The following RPS29 variants were observed in gnomAD, a reference collection of about 807,000 sequenced individuals.
The protein encoded by RPS29 is ribosomal protein S29, also known as small ribosomal subunit protein uS14.
For missense variants in RPS29, 60 were observed against 75.7 expected, an observed-to-expected ratio of 0.79 and a Z score of 0.77; for synonymous variants, 37 against 26.9, an observed-to-expected ratio of 1.37 and a Z score of -1.16.
chr14:49,575,680 T>G (rs1881161344), exon 3 of RPS29: 1 of 152,010 alleles, frequency 6.6e-6, no homozygotes, highest in African/African-American at 2.4e-5. Context: ...GACTTCCATC[T>G]CTACGAAAAA....
At chr14:49,581,714 G>C (rs142483534), downstream of RPS29, among the ~76,000 whole-genome samples, 1 of 151,968 alleles carries the variant, frequency 6.6e-6, no homozygotes, top group Non-Finnish European at 1.5e-5. Flanking sequence ...CTCCTGTATC[G>C]GTTCCTTCAA....
In RPS29 at chr14:49,577,434, G is replaced by A. The variant is rs1881214041; in HGVS notation, c.*378C>T. 1.9e-5 allele frequency: 7 copies of A among 369,696 alleles called. No individual in the cohort carries two copies. The Admixed American group carries it at 1.9e-4, about 10-fold the overall frequency. 22.9% of individuals were successfully genotyped at this position (369,696 alleles called of 1,614,324 possible). ...TGTGCAGGCTGGCATTGGCATTGGT[G>A]ACTCTGATGACCACCTGGGCTGCTC... On this transcript the variant is annotated 3_prime_UTR_variant, in exon 3 of 3. Transcript: ENST00000396020.
intron 2 of RPS29, chr14:49,577,926 T>A: frequency 9.6e-7 from 1 of 1,036,460 alleles, no homozygotes; most frequent in Non-Finnish European, 1.5e-6. Context: ...AAATTTGTAC[T>A]GCATGCCTGC....
At chr14:49,576,132 T>G (rs1325875089) in exon 3 of RPS29, 1 of 152,132 alleles carries the variant, frequency 6.6e-6, no homozygotes, top group Non-Finnish European at 1.5e-5. Context: ...CCTTTTTTTT[T>G]TTTTTAAGTG....
chr14:49,584,971 G>A (rs1395465197), intron 2 of RPS29, among the ~76,000 whole-genome samples: 1 of 151,970 alleles, frequency 6.6e-6, no homozygotes, highest in East Asian at 1.9e-4. Context: ...TGACTAAGAT[G>A]ATCAAGAGAT....
exon 3 of RPS29, chr14:49,576,742 C>T (rs796638263): frequency 3.3e-5 from 5 of 152,176 alleles, no homozygotes; most frequent in African/African-American, 1.2e-4. Context: ...GAGCGGTTTC[C>T]CCCATACTTT....
At chr14:49,591,457 G>A (rs1054205780) in intron 1 of RPS29, among the ~76,000 whole-genome samples, 1 of 151,008 alleles carries the variant, frequency 6.6e-6, no homozygotes, top group East Asian at 1.9e-4. Flanking sequence ...GATTACAGGC[G>A]CATGTCACCA....
downstream of RPS29, among the ~76,000 whole-genome samples, chr14:49,582,020 A>C (rs1242135588): frequency 1.3e-5 from 2 of 151,446 alleles, no homozygotes; most frequent in Non-Finnish European, 1.5e-5. Context: ...CCCAAAAAAA[A>C]AAAAAAAAAA....
chr14:49,581,609 A>G (rs575345751), downstream of RPS29, among the ~76,000 whole-genome samples: 1 of 152,138 alleles, frequency 6.6e-6, no homozygotes, highest in African/African-American at 2.4e-5. Flanking sequence ...TCTCTTTTAA[A>G]TTTTTGCTAT....
At chr14:49,582,596 G>C (rs369427519), downstream of RPS29, among the ~76,000 whole-genome samples, 1 of 152,096 alleles carries the variant, frequency 6.6e-6, no homozygotes, top group African/African-American at 2.4e-5. Flanking sequence ...ACAGAATTCT[G>C]CATCTGGCAT....
chr14:49,585,053 A>C (rs765151055), intron 2 of RPS29, among the ~76,000 whole-genome samples: 13 of 152,008 alleles, frequency 8.6e-5, no homozygotes, highest in African/African-American at 2.9e-4. Flanking sequence ...CTTTAAGTTC[A>C]TTCCAGTGTA....
At chr14:49,592,415 T>A (rs1036574062) in intron 1 of RPS29, 1 of 146,508 alleles carries the variant, frequency 6.8e-6, no homozygotes, top group African/African-American at 2.5e-5. Flanking sequence ...TTGCCCAGGC[T>A]GAAGTGCAGT....
chr14:49,591,403 C>T (rs1881706319), intron 1 of RPS29, among the ~76,000 whole-genome samples: 1 of 151,954 alleles, frequency 6.6e-6, no homozygotes, highest in African/African-American at 2.4e-5. Flanking sequence ...ACCTCCACCT[C>T]CCGGCTCAAG....
At chr14:49,579,175 T>C (rs1164777045), downstream of RPS29, among the ~76,000 whole-genome samples, 3 of 152,168 alleles carry the variant, frequency 2.0e-5, no homozygotes, top group Non-Finnish European at 4.4e-5. Flanking sequence ...AGTTCCCTTA[T>C]AAAATAAGCC....
chr14:49,574,529 A>G (rs1019511646), exon 3 of RPS29: 1 of 152,164 alleles, frequency 6.6e-6, no homozygotes, highest in Non-Finnish European at 1.5e-5. Flanking sequence ...TACAAGCAGG[A>G]AAAAGGCGTG....
At chr14:49,584,303 G>A (rs1374956800) in intron 2 of RPS29, among the ~76,000 whole-genome samples, 1 of 152,242 alleles carries the variant, frequency 6.6e-6, no homozygotes, top group Non-Finnish European at 1.5e-5. Context: ...CAGAGCTAGG[G>A]CGTGGGCCAA....
At chr14:49,582,012 C>CAAAAAA (rs58507206), downstream of RPS29, among the ~76,000 whole-genome samples, 908 of 106,250 alleles carry the variant, frequency 8.5e-3, 18 homozygotes, top group African/African-American at 0.034. Context: ...CCCTGCCCCC[C>CAAAAAA]AAAAAAAAAA....
At chr14:49,588,956 A>G (rs1011906825), upstream of RPS29, among the ~76,000 whole-genome samples, 1 of 128,130 alleles carries the variant, frequency 7.8e-6, no homozygotes, top group African/African-American at 3.0e-5. Context: ...TAGTGGTGCG[A>G]TCTCGGCCCA....
chr14:49,586,666 TAGTG>T, upstream of RPS29: 1 of 377,064 alleles, frequency 2.7e-6, no homozygotes, highest in Non-Finnish European at 5.1e-6. Flanking sequence ...TTCTGGGCTG[TAGTG>T]CGCTATGCCG....
Sources: allele counts gnomAD v4.1 joint callset (sites outside exome capture counted in the v4.1 genomes callset), GRCh38; gene constraint gnomAD v4.1.1; transcripts MANE v1.5; gene names NCBI Gene and HGNC (gene_info 2026-07-23, HGNC 2026-07-21).